Variants in CAMK1D observed in about 807,000 individuals in gnomAD.
CAMK1D encodes the protein calcium/calmodulin-dependent protein kinase type 1D.
In CAMK1D, 9 loss-of-function variants were observed where a neutral mutation model predicts 47.7. The observed-to-expected ratio is 0.19, with a 90% CI of 0.11 to 0.33. The LOEUF is 0.33. Among genes scored for constraint, CAMK1D ranks in the 10% least tolerant of loss-of-function variants. CAMK1D has a pLI of 1.00. For synonymous variants in CAMK1D, 184 were observed against 184.9 expected (o/e 0.99, Z 0.04); for missense variants, 291 against 488.7 (o/e 0.60, Z 3.81).
chr10:12,728,161 T>C (rs1422295368), intron 3 of CAMK1D, among the ~76,000 whole-genome samples: 1 of 152,192 alleles, frequency 6.6e-6, no homozygotes, highest in Non-Finnish European at 1.5e-5. Flanking sequence ...CAATTCCAGA[T>C]TTGTCATGTG....
intron 3 of CAMK1D, among the ~76,000 whole-genome samples, chr10:12,740,621 C>G (rs1835386560): frequency 6.6e-6 from 1 of 151,940 alleles, no homozygotes; most frequent in Non-Finnish European, 1.5e-5. Context: ...AGAAAAGAAA[C>G]TGGGAGATGG....
At chr10:12,819,943 G>C (rs1353117316) in intron 8 of CAMK1D, among the ~76,000 whole-genome samples, 1 of 152,162 alleles carries the variant, frequency 6.6e-6, no homozygotes, top group Non-Finnish European at 1.5e-5. Flanking sequence ...GTAAGGAAGA[G>C]AAGGGTCTAG....
At chr10:12,421,406 T>C (rs193034715) in intron 1 of CAMK1D, among the ~76,000 whole-genome samples, 33 of 151,694 alleles carry the variant, frequency 2.2e-4, no homozygotes, top group African/African-American at 8.0e-4. Context: ...AGCCGCAGTA[T>C]AGCTGAGTCC....
intron 4 of CAMK1D, among the ~76,000 whole-genome samples, 194 bp downstream of exon 4, chr10:12,761,280 G>A (rs1836496804): frequency 6.6e-6 from 1 of 152,218 alleles, no homozygotes; most frequent in African/African-American, 2.4e-5. Flanking sequence ...AGAAGATGAA[G>A]ATTCACATGG....
chr10:12,560,102 C>T (rs1390671700), intron 2 of CAMK1D, among the ~76,000 whole-genome samples: 2 of 152,138 alleles, frequency 1.3e-5, no homozygotes, highest in East Asian at 1.9e-4. Context: ...GAACAGCCCC[C>T]AGAGAAAGGC....
intron 9 of CAMK1D, among the ~76,000 whole-genome samples, chr10:12,824,798 A>G (rs957028441): frequency 1.1e-4 from 17 of 152,288 alleles, no homozygotes; most frequent in Middle Eastern, 6.8e-3. Flanking sequence ...TTCTTAACCA[A>G]CATCACCCTT....
At chr10:12,448,815 G>T (rs1047597577) in intron 1 of CAMK1D, among the ~76,000 whole-genome samples, 1 of 152,128 alleles carries the variant, frequency 6.6e-6, no homozygotes, top group African/African-American at 2.4e-5. Flanking sequence ...GTGACTATCC[G>T]GAAATGGAGT....
At chr10:12,493,499 T>C (rs1834449789) in intron 1 of CAMK1D, among the ~76,000 whole-genome samples, 1 of 151,968 alleles carries the variant, frequency 6.6e-6, no homozygotes, top group Non-Finnish European at 1.5e-5. Context: ...CTTTTTCTTC[T>C]TTTTTTTAAT....
chr10:12,642,575 C>T lies in CAMK1D; in HGVS notation c.225-24161C>T, dbSNP rs186093221. Among the ~76,000 whole-genome samples, 22 of 152,282 alleles carry T rather than the reference C, an allele frequency of 1.4e-4. No individual in the cohort carries two copies. In the East Asian group the frequency reaches 4.0e-3, roughly 28 times the overall value. Reference sequence around the variant, plus strand: ...TGAAAGAAAATAGCTTGGATCCACCCATGGAAGACCTGCTTATGAAGTTTG... The same window carrying T: ...TGAAAGAAAATAGCTTGGATCCACCTATGGAAGACCTGCTTATGAAGTTTG... On this transcript the variant is annotated intron_variant, in intron 2 of 10. Transcript: ENST00000619168.
intron 3 of CAMK1D, among the ~76,000 whole-genome samples, chr10:12,759,286 C>T (rs1436518133): frequency 3.3e-5 from 5 of 152,172 alleles, no homozygotes; most frequent in Non-Finnish European, 7.3e-5. Context: ...CCCTGTAGGT[C>T]AAGGCTGCAG....
At chr10:12,755,089 G>A (rs1254262710) in intron 3 of CAMK1D, among the ~76,000 whole-genome samples, 1 of 152,174 alleles carries the variant, frequency 6.6e-6, no homozygotes, top group Non-Finnish European at 1.5e-5. Context: ...ACAGATTGAG[G>A]CCTGGAAGAT....
At chr10:12,735,334 C>T (rs890852903) in intron 3 of CAMK1D, among the ~76,000 whole-genome samples, 4 of 151,992 alleles carry the variant, frequency 2.6e-5, no homozygotes, top group Non-Finnish European at 5.9e-5. Flanking sequence ...AAAAATTAGC[C>T]GGGCGTGGTG....
At chr10:12,575,110 T>C (rs1837452835) in intron 2 of CAMK1D, among the ~76,000 whole-genome samples, 1 of 152,104 alleles carries the variant, frequency 6.6e-6, no homozygotes, top group African/African-American at 2.4e-5. Context: ...TTTTATTTTT[T>C]GAGATGGAGT....
intron 3 of CAMK1D, among the ~76,000 whole-genome samples, chr10:12,668,299 C>T (rs376294880): frequency 6.6e-6 from 1 of 152,170 alleles, no homozygotes; most frequent in Non-Finnish European, 1.5e-5. Context: ...AACCAAATGC[C>T]CCGCAAAATG....
At chr10:12,642,297 A>G (rs544721890) in intron 2 of CAMK1D, among the ~76,000 whole-genome samples, 79 of 152,208 alleles carry the variant, frequency 5.2e-4, no homozygotes, top group Non-Finnish European at 9.8e-4. Flanking sequence ...CATTTGTTCC[A>G]GCACTTTCAG....
intron 1 of CAMK1D, among the ~76,000 whole-genome samples, chr10:12,477,748 G>A (rs568020620): frequency 3.3e-5 from 5 of 152,154 alleles, no homozygotes; most frequent in African/African-American, 9.7e-5. Context: ...AGCTGAAGGC[G>A]GAGGGAGTGC....
chr10:12,712,101 G>A (rs138353106), intron 3 of CAMK1D, among the ~76,000 whole-genome samples: 122 of 152,298 alleles, frequency 8.0e-4, no homozygotes, highest in Non-Finnish European at 1.4e-3. Context: ...GCTGATTTGT[G>A]CATTTTATCA....
chr10:12,541,607 C>T (rs1330596938), intron 1 of CAMK1D, among the ~76,000 whole-genome samples: 3 of 152,096 alleles, frequency 2.0e-5, no homozygotes, highest in African/African-American at 7.2e-5. Flanking sequence ...GATTCACCCG[C>T]CTTGGCCCCC....
chr10:12,435,868 G>A (rs1291748165), intron 1 of CAMK1D, among the ~76,000 whole-genome samples: 1 of 152,180 alleles, frequency 6.6e-6, no homozygotes, highest in Non-Finnish European at 1.5e-5. Flanking sequence ...AGTGCTAAAT[G>A]CATGAGTGGG....
Sources: gnomAD v4.1 joint callset for allele counts (sites outside exome capture counted in the v4.1 genomes callset) on GRCh38, gnomAD v4.1.1 for gene constraint, MANE v1.5 for transcripts, NCBI Gene and HGNC (gene_info 2026-07-23, HGNC 2026-07-21) for gene names.